Variants in ATP8B3 observed in about 807,000 individuals in gnomAD.
ATP8B3 encodes phospholipid-transporting ATPase IK.
Under a neutral mutation model 140.9 loss-of-function variants are expected in ATP8B3, and 141 were observed. The ratio of observed to expected loss-of-function variants is 1.00; its 90% CI spans 0.87 to 1.15. The LOEUF (loss-of-function observed/expected upper bound fraction) is 1.15, where lower values mean the gene tolerates loss of function less well. ATP8B3 is among the 50% of genes most tolerant of loss of function. The pLI is 0.00. For synonymous variants in ATP8B3, 765 were observed against 714.6 expected (o/e 1.07, Z -1.13); for missense variants, 1,874 against 1,740.6 (o/e 1.08, Z -1.36).
At chr19:1,809,540 C>T in intron 4 of ATP8B3, 103 bp downstream of exon 4, 1 of 934,960 alleles carries the variant, frequency 1.1e-6, no homozygotes, top group Non-Finnish European at 1.6e-6. Context: ...AACTATCGAG[C>T]AAATACAAGC....
Position 1,790,827 on chromosome 19 carries a change from CCG to C in ATP8B3, c.2306_2307del (p.Thr769SerfsTer24). 6.3e-7 allele frequency: 1 copy of C among 1,599,006 alleles called. No individual in the cohort carries two copies. Among genetic ancestry groups the C allele is most frequent in the Non-Finnish European group, 8.5e-7 (1 of 1,174,176 alleles). ...IWVLTGDKQE[T>X]AVNIGFACEL... The stretch of plus-strand genomic sequence containing the variant: ...TCGCAGGCGAAGCCGATGTTCACAG[CCG>C]TTTCTGCGAAGCAGACCAGCTCAGC... On this transcript the variant is annotated frameshift_variant, in exon 21 of 29. Coordinates refer to ENST00000310127, the MANE Select transcript of ATP8B3 (RefSeq NM_138813.4). LOFTEE classifies it high-confidence loss of function.
At position 1,795,915 on chromosome 19, in the gene ATP8B3, C is replaced by CTG. The variant is rs1173751530; in HGVS notation, c.2013_2014dup (p.Arg672ThrfsTer101). On this transcript the variant is annotated frameshift_variant, in exon 18 of 29. Transcript: ENST00000310127. LOFTEE classifies it high-confidence loss of function. The stretch of plus-strand genomic sequence containing the variant: ...TGTGGCAAATTCCATTGCCCCCCTC[C>CTG]TGTGCAAGCGTTCGAAGATGACCGT... 1 of 1,613,114 alleles carries CTG rather than the reference C, an allele frequency of 6.2e-7. No individual in the cohort carries two copies. Among genetic ancestry groups the CTG allele is most frequent in the Non-Finnish European group, 8.5e-7 (1 of 1,179,822 alleles).
Position 1,806,002 on chromosome 19 carries a change from C to A in ATP8B3, c.751-44G>T. On this transcript the variant is annotated intron_variant, in intron 8 of 28. Transcript: ENST00000310127. The surrounding 1 kb of genome is among the most constrained non-coding windows in gnomAD (Gnocchi z 5.6). ...CAGCGTTGCAAGAGGGGATGCAAGA[C>A]AAATTGGGGGTGCGGCAGCCCTCCC... 1 of 1,610,536 alleles carries A rather than the reference C, an allele frequency of 6.2e-7. No individual in the cohort carries two copies.
At chr19:1,789,281 G>C (rs2068410290) in intron 23 of ATP8B3, 80 bp downstream of exon 23, 3 of 1,367,624 alleles carry the variant, frequency 2.2e-6, no homozygotes, top group Non-Finnish European at 2.9e-6. Context: ...CCTGCCCCAG[G>C]TCCCCCCAGT....
chr19:1,801,592 A>G (rs1174899819), intron 12 of ATP8B3, among the ~76,000 whole-genome samples: 1 of 152,064 alleles, frequency 6.6e-6, no homozygotes, highest in Non-Finnish European at 1.5e-5. Context: ...CTCTACTAAA[A>G]TACAAAAAAA....
intron 18 of ATP8B3, among the ~76,000 whole-genome samples, chr19:1,793,811 T>G (rs771530359): frequency 2.6e-5 from 4 of 151,084 alleles, no homozygotes; most frequent in African/African-American, 9.7e-5. Flanking sequence ...GGCGCGATCT[T>G]GGCTCACTGC....
Position 1,794,058 on chromosome 19 carries a change from C to A in ATP8B3, c.2055+1817G>T, listed in dbSNP as rs1327084721. On this transcript the variant is annotated intron_variant, in intron 18 of 28. Coordinates refer to ENST00000310127, the MANE Select transcript of ATP8B3 (RefSeq NM_138813.4). This position sits in a 1 kb window ranked among gnomAD's most constrained non-coding sequence, Gnocchi z 4.8. ...CCTGTTTATTAAGAGACAGGGGTCT[C>A]GCCCTGTCGCCCAGGCTGGAGTGCA... is the stretch of plus-strand genomic sequence containing the variant. 6.6e-6 allele frequency among the ~76,000 whole-genome samples: 1 copy of A among 152,120 alleles called. No homozygotes were observed.
At chr19:1,784,621 G>C (rs1436634641) in intron 28 of ATP8B3, among the ~76,000 whole-genome samples, 198 bp downstream of exon 28, 1 of 152,212 alleles carries the variant, frequency 6.6e-6, no homozygotes, top group Non-Finnish European at 1.5e-5. Context: ...GGGGGAGTGA[G>C]GTCTCCCTTC....
In ATP8B3 at chr19:1,811,563, T is replaced by C; in HGVS notation, c.174A>G (p.Pro58=). 6.2e-7 allele frequency: 1 copy of C among 1,612,348 alleles called. No individual in the cohort carries two copies. Among genetic ancestry groups the C allele is most frequent in the Non-Finnish European group, 8.5e-7 (1 of 1,179,806 alleles). Residue 58 remains proline, a synonymous_variant, in exon 2 of 29, where the codon CCA becomes CCG. Coordinates refer to ENST00000310127, the MANE Select transcript of ATP8B3 (RefSeq NM_138813.4). ...TVIRAGMGDS[P]GRGAPERRHK... Reference sequence around the variant, plus strand: ...GCCTCCTCTCAGGTGCCCCTCTGCCTGGGGAGTCTCCCATCCCAGCTCTGA... The same window carrying C: ...GCCTCCTCTCAGGTGCCCCTCTGCCCGGGGAGTCTCCCATCCCAGCTCTGA...
Position 1,805,763 on chromosome 19 carries a change from T to C in ATP8B3, c.821+125A>G, listed in dbSNP as rs1158749637. 3 of 1,156,972 alleles carry C rather than the reference T, an allele frequency of 2.6e-6. No homozygotes were observed. The highest frequency in any genetic ancestry group is 5.1e-5 in the East Asian group (2 of 39,384). The allele number at this position is 1,156,972 out of a possible 1,614,324, so 71.7% of individuals were successfully genotyped here. A position where few individuals can be genotyped will look rare whatever the true frequency, so the allele number is the denominator to read the frequency against. ...GCAGCACCCACGCCCCAGACACTCATGGGGTGAGTGACCAAAGTCTCTGAG... is the reference window on the plus strand; with the variant it reads ...GCAGCACCCACGCCCCAGACACTCACGGGGTGAGTGACCAAAGTCTCTGAG... On this transcript the variant is annotated intron_variant, in intron 9 of 28. Transcript: ENST00000310127. The surrounding 1 kb of genome is among the most constrained non-coding windows in gnomAD (Gnocchi z 5.2).
In ATP8B3 at chr19:1,794,604, G is replaced by T. The variant is rs2068612429; in HGVS notation, c.2055+1271C>A. Among the ~76,000 whole-genome samples the T allele has an allele frequency of 6.6e-6, 1 of 152,132 alleles. No individual in the cohort carries two copies. Among genetic ancestry groups the T allele is most frequent in the African/African-American group, 2.4e-5 (1 of 41,424 alleles). ...CAGCCCCATGTTGGCAGGGGGTGGGGCAGGAAAGGCCCCATGTGTGGGGAG... is the reference window on the plus strand; with the variant it reads ...CAGCCCCATGTTGGCAGGGGGTGGGTCAGGAAAGGCCCCATGTGTGGGGAG... On this transcript the variant is annotated intron_variant, in intron 18 of 28. Transcript: ENST00000310127. This position sits in a 1 kb window ranked among gnomAD's most constrained non-coding sequence, Gnocchi z 4.8.
At chr19:1,788,502 T>C (rs1420372794) in intron 24 of ATP8B3, among the ~76,000 whole-genome samples, 1 of 151,862 alleles carries the variant, frequency 6.6e-6, no homozygotes, top group Admixed American at 6.6e-5. Context: ...ATACAAAAAT[T>C]AGCCAGGCGT....
intron 3 of ATP8B3, among the ~76,000 whole-genome samples, chr19:1,810,321 A>T (rs2145212124): frequency 6.6e-6 from 1 of 152,234 alleles, no homozygotes; most frequent in East Asian, 1.9e-4. Context: ...GCAGTAGCAC[A>T]ATCGCAGCTC....
intron 24 of ATP8B3, 140 bp from the exon 25 acceptor site, chr19:1,787,326 G>A (rs1055941999): frequency 1.6e-6 from 1 of 642,620 alleles, no homozygotes; most frequent in Non-Finnish European, 2.8e-6. Flanking sequence ...GACTGGGGTG[G>A]GGTGAAGTGC....
Position 1,795,419 on chromosome 19 carries a change from C to T in ATP8B3, c.2055+456G>A, listed in dbSNP as rs1266899499. On this transcript the variant is annotated intron_variant, in intron 18 of 28. Coordinates refer to ENST00000310127, the MANE Select transcript of ATP8B3 (RefSeq NM_138813.4). Reference sequence around the variant, plus strand: ...TATTAAAATTAGCTGGGTGCACTGGCGTGTGCCTGTAATTCCAGCTCCTCG... The same window carrying T: ...TATTAAAATTAGCTGGGTGCACTGGTGTGTGCCTGTAATTCCAGCTCCTCG... Among the ~76,000 whole-genome samples the T allele has an allele frequency of 3.9e-5, 6 of 152,126 alleles. No individual in the cohort carries two copies. In the East Asian group the frequency reaches 1.2e-3, roughly 29 times the overall value.
At chr19:1,804,203 C>G (rs997898694) in intron 10 of ATP8B3, among the ~76,000 whole-genome samples, 1 of 152,064 alleles carries the variant, frequency 6.6e-6, no homozygotes, top group African/African-American at 2.4e-5. Flanking sequence ...AATAAGAAAC[C>G]GTCAAGCAGG....
At position 1,782,230 on chromosome 19, in the gene ATP8B3, C is replaced by T. The variant is rs758379796; in HGVS notation, c.*798G>A. ...GAAGGACATCTTCCTGATATGCCAG[C>T]GTGACTCCTTTGGGCTCGAAGATGC... On this transcript the variant is annotated 3_prime_UTR_variant, in exon 29 of 29. Coordinates refer to ENST00000310127, the MANE Select transcript of ATP8B3 (RefSeq NM_138813.4). The T allele has an allele frequency of 1.0e-4, 31 of 306,758 alleles. No homozygotes were observed. The highest frequency in any genetic ancestry group is 1.0e-3 in the Middle Eastern group (1 of 990). The allele number at this position is 306,758 out of a possible 1,614,324, so 19.0% of individuals were successfully genotyped here.
chr19:1,805,790 G>A lies in ATP8B3; in HGVS notation c.821+98C>T, dbSNP rs139879725. 961 of 1,463,642 alleles carry A rather than the reference G, an allele frequency of 6.6e-4. 3 individuals carry two copies. The highest frequency in any genetic ancestry group is 2.1e-3 in the East Asian group (87 of 42,406). 90.7% of individuals were successfully genotyped at this position (1,463,642 alleles called of 1,614,324 possible). On this transcript the variant is annotated intron_variant, in intron 9 of 28. Transcript: ENST00000310127. The surrounding 1 kb of genome is among the most constrained non-coding windows in gnomAD (Gnocchi z 5.2). ...GGGTGAGTGACCAAAGTCTCTGAGC[G>A]ACCTTGGCTGGCCGCCTCCTTGGTG... is the stretch of plus-strand genomic sequence containing the variant.
At chr19:1,810,934 C>T (rs2069171236) in intron 2 of ATP8B3, among the ~76,000 whole-genome samples, 1 of 152,202 alleles carries the variant, frequency 6.6e-6, no homozygotes, top group African/African-American at 2.4e-5. Context: ...TGTCCCCCGC[C>T]AGCCACCCTG....
Sources: allele counts gnomAD v4.1 joint callset (sites outside exome capture counted in the v4.1 genomes callset), GRCh38; gene constraint gnomAD v4.1.1; non-coding constraint Gnocchi (gnomAD v3.1); transcripts MANE v1.5; gene names NCBI Gene and HGNC (gene_info 2026-07-23, HGNC 2026-07-21).